GALNTL6: variants seen among roughly 807,000 people sequenced by gnomAD.
GALNTL6 encodes the protein polypeptide N-acetylgalactosaminyltransferase like 6, also known as polypeptide N-acetylgalactosaminyltransferase-like 6.
GALNTL6 carries 46 observed loss-of-function variants against 73.7 expected under a neutral mutation model. The observed-to-expected ratio is 0.62, with a 90% confidence interval of 0.49 to 0.80. The LOEUF (loss-of-function observed/expected upper bound fraction) is 0.80, where lower values mean the gene tolerates loss of function less well. Ranked by LOEUF, GALNTL6 falls within the 30% of genes least tolerant of loss-of-function variation. GALNTL6 has a pLI of 0.00. For missense variants in GALNTL6, 604 were observed against 755.0 expected, an observed-to-expected ratio of 0.80 and a Z score of 2.34; for synonymous variants, 259 against 263.7, an observed-to-expected ratio of 0.98 and a Z score of 0.17.
intron 5 of GALNTL6, among the ~76,000 whole-genome samples, chr4:172,492,530 G>A (rs1265594343): frequency 6.6e-6 from 1 of 152,120 alleles, no homozygotes; most frequent in African/African-American, 2.4e-5. Context: ...TAATACACCT[G>A]AAAGATTAGT....
intron 2 of GALNTL6, among the ~76,000 whole-genome samples, chr4:172,083,199 A>G (rs1220838336): frequency 6.6e-6 from 1 of 152,134 alleles, no homozygotes; most frequent in African/African-American, 2.4e-5. Context: ...CTTGTCTAAG[A>G]CTTTCTCTTG....
At chr4:172,908,159 G>C (rs925936587) in intron 8 of GALNTL6, among the ~76,000 whole-genome samples, 6 of 152,160 alleles carry the variant, frequency 3.9e-5, no homozygotes, top group African/African-American at 1.4e-4. Context: ...ACACTATTCA[G>C]AACAACACAC....
intron 11 of GALNTL6, among the ~76,000 whole-genome samples, chr4:173,015,834 G>C (rs897076446): frequency 6.6e-6 from 1 of 152,236 alleles, no homozygotes; most frequent in Non-Finnish European, 1.5e-5. Context: ...TAGGGAATAT[G>C]TCTCCAGAGC....
chr4:172,282,931 A>G (rs1419199169), intron 3 of GALNTL6, among the ~76,000 whole-genome samples: 1 of 152,160 alleles, frequency 6.6e-6, no homozygotes, highest in African/African-American at 2.4e-5. Flanking sequence ...ATTTCTTAAG[A>G]CAAGGAAGAA....
chr4:172,833,082 CT>C lies in GALNTL6; in HGVS notation c.923+19361del, dbSNP rs1446468478. Among the ~76,000 whole-genome samples the C allele has an allele frequency of 2.1e-5, 3 of 142,494 alleles. No homozygotes were observed. In the East Asian group the frequency reaches 6.2e-4, roughly 30 times the overall value. The allele number at this position is 142,494 out of a possible 152,430, so 93.5% of individuals were successfully genotyped here. On this transcript the variant is annotated intron_variant, in intron 7 of 12. Coordinates refer to ENST00000506823, the MANE Select transcript of GALNTL6 (RefSeq NM_001034845.3). ...AGTGTGTGTGTGTTATGTGTGTGCG[CT>C]TGGGGGTGGGGGGTAGGGAGTGTTA...
intron 2 of GALNTL6, among the ~76,000 whole-genome samples, chr4:171,925,489 T>C (rs780105425): frequency 6.6e-6 from 1 of 152,070 alleles, no homozygotes; most frequent in Non-Finnish European, 1.5e-5. Flanking sequence ...CACTTAGAAT[T>C]TGGGGAAAAA....
chr4:172,701,125 T>G (rs1312572759), intron 5 of GALNTL6, among the ~76,000 whole-genome samples: 4 of 152,136 alleles, frequency 2.6e-5, no homozygotes, highest in African/African-American at 9.7e-5. Context: ...TACTAATAAA[T>G]TTTTAAAGAA....
At position 172,162,610 on chromosome 4, in the gene GALNTL6, CAA is replaced by C. The variant is rs774261976; in HGVS notation, c.139-67045_139-67044del. ...TAGCTGCAGAGAGAGAGAAAAATGT[CAA>C]GTTTCAAACAAGATCACAAGGCAGA... On this transcript the variant is annotated intron_variant, in intron 2 of 12. Coordinates refer to ENST00000506823, the MANE Select transcript of GALNTL6 (RefSeq NM_001034845.3). 5.8e-4 allele frequency among the ~76,000 whole-genome samples: 88 copies of C among 151,922 alleles called. 1 individual carries two copies. The highest frequency in any genetic ancestry group is 4.7e-4 in the Non-Finnish European group (32 of 67,838).
At chr4:171,819,681 C>A (rs1176592519) in intron 2 of GALNTL6, among the ~76,000 whole-genome samples, 1 of 152,078 alleles carries the variant, frequency 6.6e-6, no homozygotes, top group Non-Finnish European at 1.5e-5. Flanking sequence ...AGCTGAGGGA[C>A]ATCAACAATA....
chr4:172,420,422 A>G (rs1375760904), intron 5 of GALNTL6, among the ~76,000 whole-genome samples: 1 of 152,202 alleles, frequency 6.6e-6, no homozygotes, highest in Non-Finnish European at 1.5e-5. Flanking sequence ...CAAGCACCAC[A>G]TGGTAGTTCA....
intron 5 of GALNTL6, among the ~76,000 whole-genome samples, chr4:172,781,001 A>C (rs1739343784): frequency 6.6e-6 from 1 of 152,236 alleles, no homozygotes; most frequent in Non-Finnish European, 1.5e-5. Flanking sequence ...ATTTGTCAGT[A>C]GGAAGACAGG....
chr4:171,999,773 A>C (rs1332240775), intron 2 of GALNTL6, among the ~76,000 whole-genome samples: 1 of 152,144 alleles, frequency 6.6e-6, no homozygotes, highest in East Asian at 1.9e-4. Context: ...AAAAAGTTTA[A>C]GTCCTTGTAT....
chr4:172,934,642 G>T (rs1391833185), intron 9 of GALNTL6, among the ~76,000 whole-genome samples: 1 of 127,340 alleles, frequency 7.9e-6, no homozygotes, highest in East Asian at 2.2e-4. Flanking sequence ...TCAGCACACT[G>T]GGACACGGTT....
At chr4:171,903,180 C>T (rs1240110914) in intron 2 of GALNTL6, among the ~76,000 whole-genome samples, 1 of 152,118 alleles carries the variant, frequency 6.6e-6, no homozygotes, top group Non-Finnish European at 1.5e-5. Context: ...CTGCAGCTCC[C>T]AGCGTGAGCG....
intron 10 of GALNTL6, among the ~76,000 whole-genome samples, chr4:172,979,961 C>T (rs541243970): frequency 2.2e-4 from 34 of 152,338 alleles, no homozygotes; most frequent in Middle Eastern, 3.4e-3. Context: ...TATGCACCAT[C>T]GTGGAAAAAC....
At chr4:172,682,577 A>G (rs1451030822) in intron 5 of GALNTL6, among the ~76,000 whole-genome samples, 1 of 152,178 alleles carries the variant, frequency 6.6e-6, no homozygotes, top group African/African-American at 2.4e-5. Context: ...TTTTAGTATA[A>G]CTATGTCCCA....
intron 7 of GALNTL6, among the ~76,000 whole-genome samples, chr4:172,834,829 G>T (rs1314021798): frequency 3.3e-5 from 5 of 152,210 alleles, no homozygotes; most frequent in Admixed American, 3.3e-4. Flanking sequence ...GGTGATATGA[G>T]GAGAATGACA....
chr4:171,832,921 A>G (rs560550321), intron 2 of GALNTL6, among the ~76,000 whole-genome samples: 18 of 151,964 alleles, frequency 1.2e-4, no homozygotes, highest in African/African-American at 4.3e-4. Flanking sequence ...AAATGTTTAA[A>G]TTACCCTCAT....
intron 5 of GALNTL6, among the ~76,000 whole-genome samples, chr4:172,483,539 C>T (rs1352626727): frequency 6.6e-6 from 1 of 152,092 alleles, no homozygotes; most frequent in South Asian, 2.1e-4. Flanking sequence ...TTTTCAGCAA[C>T]AGTGATTTCT....
Sources: gnomAD v4.1 joint callset for allele counts (sites outside exome capture counted in the v4.1 genomes callset) on GRCh38, gnomAD v4.1.1 for gene constraint, MANE v1.5 for transcripts, NCBI Gene and HGNC (gene_info 2026-07-23, HGNC 2026-07-21) for gene names.